Variants in DOCK11 observed in about 807,000 individuals in gnomAD.
The protein encoded by DOCK11 is dedicator of cytokinesis 11.
A neutral mutation model predicts 169.1 loss-of-function variants in DOCK11; 70 were observed. The observed-to-expected ratio is 0.41, with a 90% CI of 0.34 to 0.51. The LOEUF is 0.51. DOCK11 is among the 20% of genes least tolerant of loss of function. The probability of loss-of-function intolerance (pLI) is 0.10; values close to 1 mark genes in which losing one functional copy is unlikely to be tolerated. For missense variants in DOCK11, 1,166 were observed against 1,538.8 expected (o/e 0.76, Z 4.05); for synonymous variants, 529 against 541.3 (o/e 0.98, Z 0.32).
intron 37 of DOCK11, 128 bp from the exon 38 acceptor site, chrX:118,639,307 C>A: frequency 1.7e-6 from 1 of 604,324 alleles, no homozygotes; most frequent in Non-Finnish European, 2.5e-6. Flanking sequence ...TTTCTAGTGA[C>A]ACTTCATTTA....
At chrX:118,655,832 A>G (rs1569443070) in intron 44 of DOCK11, among the ~76,000 whole-genome samples, 1 of 112,252 alleles carries the variant, frequency 8.9e-6, no homozygotes, top group African/African-American at 3.2e-5. Context: ...AAACCAACTT[A>G]TTAAAGGAGT....
In DOCK11 at chrX:118,496,077, A is replaced by G; in HGVS notation, c.102+4A>G. ...CGTGCGGGGCTCCGTGGTGCTGGTG[A>G]GTGGCCGGGGGACGGGGCATCCCGG... On this transcript the variant is annotated splice_donor_region_variant and intron_variant, in intron 1 of 52. Coordinates refer to ENST00000276202, the MANE Select transcript of DOCK11 (RefSeq NM_144658.4). 9.8e-7 allele frequency: 1 copy of G among 1,018,169 alleles called. No homozygotes were observed. The highest frequency in any genetic ancestry group is 1.3e-6 in the Non-Finnish European group (1 of 800,002). 83.9% of individuals were successfully genotyped at this position (1,018,169 alleles called of 1,213,427 possible).
At chrX:118,534,847 C>T (rs767066272) in intron 1 of DOCK11, among the ~76,000 whole-genome samples, 2 of 111,925 alleles carry the variant, frequency 1.8e-5, no homozygotes, top group South Asian at 3.7e-4. Flanking sequence ...GACATGGTCC[C>T]TTGACAATAG....
At chrX:118,623,824 T>C (rs13441012) in intron 31 of DOCK11, among the ~76,000 whole-genome samples, 11,786 of 112,598 alleles carry the variant, frequency 0.1, 525 homozygotes, top group African/African-American at 0.17. Flanking sequence ...TAGAGGGCAA[T>C]GCTTGTGCTA....
intron 42 of DOCK11, among the ~76,000 whole-genome samples, chrX:118,654,270 A>G (rs932878835): frequency 8.9e-6 from 1 of 112,105 alleles, no homozygotes; most frequent in East Asian, 2.8e-4. Flanking sequence ...ATTAGTTTTT[A>G]GTTACTGTTA....
At chrX:118,584,707 T>A (rs1781090) in intron 14 of DOCK11, 28 bp from the exon 15 acceptor site, 449,215 of 1,083,481 alleles carry the variant, frequency 0.41, 67,315 homozygotes, top group African/African-American at 0.56. Context: ...TTTTTTTTTT[T>A]AAAAAAATGC....
intron 18 of DOCK11, 26 bp from the exon 19 acceptor site, chrX:118,590,184 G>A (rs1230375231): frequency 9.6e-6 from 11 of 1,142,733 alleles, no homozygotes; most frequent in South Asian, 3.7e-5. Flanking sequence ...CATTTAGAGC[G>A]GTGACTCTGT....
At chrX:118,555,487 G>A (rs959510109) in intron 6 of DOCK11, among the ~76,000 whole-genome samples, 2 of 110,289 alleles carry the variant, frequency 1.8e-5, no homozygotes, top group Non-Finnish European at 3.8e-5. Context: ...AACCCAGGAG[G>A]CTGAGGTTGC....
At chrX:118,574,930 G>A (rs1328656419) in intron 12 of DOCK11, among the ~76,000 whole-genome samples, 1 of 111,793 alleles carries the variant, frequency 8.9e-6, no homozygotes, top group Non-Finnish European at 1.9e-5. Flanking sequence ...TTAGCCGAGT[G>A]GATTGATCAT....
chrX:118,659,701 G>C (rs2016166565), intron 44 of DOCK11, among the ~76,000 whole-genome samples: 1 of 111,748 alleles, frequency 8.9e-6, no homozygotes, highest in Non-Finnish European at 1.9e-5. Context: ...CACAATAGTA[G>C]TCTTTGCACT....
chrX:118,611,194 G>C (rs1272963822), intron 28 of DOCK11, among the ~76,000 whole-genome samples: 2 of 112,040 alleles, frequency 1.8e-5, no homozygotes, highest in East Asian at 5.6e-4. Context: ...GGGAAGGAAG[G>C]TTCCCTTTTC....
chrX:118,646,941 CTTG>C (rs1297299596), intron 40 of DOCK11, among the ~76,000 whole-genome samples: 1 of 110,895 alleles, frequency 9.0e-6, no homozygotes, highest in Non-Finnish European at 1.9e-5. Flanking sequence ...CCTGAAGCAG[CTTG>C]TTATTTGCTT....
At chrX:118,605,507 C>CA in intron 24 of DOCK11, 151 bp downstream of exon 24, 1 of 366,478 alleles carries the variant, frequency 2.7e-6, no homozygotes, top group East Asian at 5.1e-5. Flanking sequence ...TCATTTGTCT[C>CA]AAGATATTTT....
chrX:118,616,052 G>A (rs749640845), intron 30 of DOCK11: 1 of 296,727 alleles, frequency 3.4e-6, no homozygotes, highest in Non-Finnish European at 5.5e-6. Context: ...AAATGTAAAG[G>A]TAGAGTAAAA....
At position 118,552,052 on chromosome X, in the gene DOCK11, A is replaced by AAG. The variant is rs1556277309; in HGVS notation, c.558+5936_558+5937insAG. Among the ~76,000 whole-genome samples the AAG allele has an allele frequency of 2.4e-3, 254 of 106,030 alleles. 1 individual carries two copies. The highest frequency in any genetic ancestry group is 8.4e-3 in the African/African-American group (244 of 29,155). 92.1% of individuals were successfully genotyped at this position (106,030 alleles called of 115,157 possible). A position where few individuals can be genotyped will look rare whatever the true frequency, so the allele number is the denominator to read the frequency against. On this transcript the variant is annotated intron_variant, in intron 6 of 52. Transcript: ENST00000276202. The stretch of plus-strand genomic sequence containing the variant: ...CACTCTGTCTCAAAAAAAAAAAAAA[A>AAG]GGGAGGGAGGGAGGACTCTAATAGC...
intron 9 of DOCK11, among the ~76,000 whole-genome samples, chrX:118,567,796 T>C (rs2013127860): frequency 8.9e-6 from 1 of 111,843 alleles, no homozygotes; most frequent in Non-Finnish European, 1.9e-5. Flanking sequence ...TCATCCTGGA[T>C]TGTGCAGCTC....
intron 52 of DOCK11, among the ~76,000 whole-genome samples, chrX:118,684,877 C>T (rs2147606746): frequency 9.0e-6 from 1 of 111,593 alleles, no homozygotes; most frequent in East Asian, 2.8e-4. Flanking sequence ...TCAATACTGC[C>T]ACTATAGATC....
At chrX:118,619,646 ATATC>A (rs1276072878) in intron 31 of DOCK11, among the ~76,000 whole-genome samples, 1 of 109,162 alleles carries the variant, frequency 9.2e-6, no homozygotes, top group African/African-American at 3.3e-5. Flanking sequence ...CTTTAAATAT[ATATC>A]ATATGTAAAA....
chrX:118,499,347 C>T (rs2057558359), intron 1 of DOCK11, among the ~76,000 whole-genome samples: 2 of 111,217 alleles, frequency 1.8e-5, no homozygotes, highest in Admixed American at 1.9e-4. Flanking sequence ...ATTCCTTGTG[C>T]GCCAAAAGAT....
Sources: allele counts gnomAD v4.1 joint callset (sites outside exome capture counted in the v4.1 genomes callset), GRCh38; gene constraint gnomAD v4.1.1; transcripts MANE v1.5; gene names NCBI Gene and HGNC (gene_info 2026-07-23, HGNC 2026-07-21).